Variants in PSTPIP1 observed in about 807,000 individuals in gnomAD.
PSTPIP1 encodes the protein proline-serine-threonine phosphatase-interacting protein 1.
Under a neutral mutation model 69.6 loss-of-function variants are expected in PSTPIP1, and 66 were observed. The ratio of observed to expected loss-of-function variants is 0.95; its 90% confidence interval spans 0.78 to 1.16. PSTPIP1 has a LOEUF of 1.16. Ranked by LOEUF, PSTPIP1 falls within the 50% of genes most tolerant of loss-of-function variation. The pLI is 0.00. For missense variants in PSTPIP1, 603 were observed against 557.4 expected, an observed-to-expected ratio of 1.08 and a Z score of -0.82; for synonymous variants, 266 against 222.7, an observed-to-expected ratio of 1.19 and a Z score of -1.73.
At chr15:77,009,389 C>T (rs889671860) in intron 1 of PSTPIP1, among the ~76,000 whole-genome samples, 1 of 152,176 alleles carries the variant, frequency 6.6e-6, no homozygotes, top group Admixed American at 6.5e-5. Flanking sequence ...CCTGCCAGCC[C>T]TCACACCTAC....
rs113421352 is a variant in PSTPIP1, at chr15:77,028,070, C to T, written c.417+156C>T. On this transcript the variant is annotated intron_variant, in intron 6 of 14. Transcript: ENST00000558012. ...GCCTTGGGCGCACCAGCCTGCGGGG[C>T]GCTTGGGCCCGTGCTGGGCGCTATG... Among the ~76,000 whole-genome samples, 1,496 of 152,296 alleles carry T rather than the reference C, an allele frequency of 9.8e-3. 22 individuals carry two copies. The highest frequency in any genetic ancestry group is 0.034 in the African/African-American group (1,405 of 41,562).
chr15:77,009,792 G>A (rs1276886072), intron 1 of PSTPIP1, among the ~76,000 whole-genome samples: 25 of 152,192 alleles, frequency 1.6e-4, no homozygotes, highest in Admixed American at 1.6e-3. Context: ...GCCAGAACCA[G>A]AACCCAGTGC....
intron 14 of PSTPIP1, 22 bp from the exon 15 acceptor site, chr15:77,037,023 G>T (rs376465836): frequency 3.7e-6 from 6 of 1,610,214 alleles, no homozygotes; most frequent in South Asian, 3.3e-5. Flanking sequence ...CCAACGTCAT[G>T]CGCTTTCAAT....
At chr15:76,997,462 C>G (rs539885253) in intron 1 of PSTPIP1, among the ~76,000 whole-genome samples, 2 of 152,346 alleles carry the variant, frequency 1.3e-5, no homozygotes, top group Non-Finnish European at 2.9e-5. Flanking sequence ...TTGCTGAGCA[C>G]GAAAGATGTG....
Position 77,035,918 on chromosome 15 carries a change from T to C in PSTPIP1, c.1102T>C (p.Tyr368His). Reference sequence around the variant, plus strand: ...ACCAGCCCAGGAGTACCGGGCGCTCTACGATTATACAGCGCAGGTGAGGCC... The same window carrying C: ...ACCAGCCCAGGAGTACCGGGCGCTCCACGATTATACAGCGCAGGTGAGGCC... ...ASPAQEYRAL[Y>H]DYTAQNPDEL... Residue 368 changes from tyrosine to histidine, a missense_variant, in exon 14 of 15, where the codon TAC (tyrosine) becomes CAC (histidine). Physicochemically the swap from Tyr to His is moderately conservative, Grantham distance 83. Transcript: ENST00000558012. The C allele has an allele frequency of 3.1e-6, 5 of 1,606,436 alleles. No homozygotes were observed. The highest frequency in any genetic ancestry group is 1.9e-4 in the Middle Eastern group (1 of 5,154).
chr15:77,002,325 G>T (rs2075726611), intron 1 of PSTPIP1, among the ~76,000 whole-genome samples: 2 of 152,334 alleles, frequency 1.3e-5, no homozygotes, highest in East Asian at 3.9e-4. Flanking sequence ...ATTTGTGTAG[G>T]ATGAAAGGAT....
In PSTPIP1 at chr15:77,037,060, G is replaced by A; in HGVS notation, c.1135G>A (p.Asp379Asn). ...DYTAQNPDEL[D>N]LSAGDILEVI... is the part of the protein sequence containing the mutation. ...TCTTGGCCAGAACCCAGATGAGCTGGACCTGTCCGCGGGAGACATCCTGGA... is the reference window on the plus strand; with the variant it reads ...TCTTGGCCAGAACCCAGATGAGCTGAACCTGTCCGCGGGAGACATCCTGGA... Residue 379 changes from aspartate to asparagine, a missense_variant, in exon 15 of 15, where the codon GAC becomes AAC. Transcript: ENST00000558012. 1 of 1,612,246 alleles carries A rather than the reference G, an allele frequency of 6.2e-7. No individual in the cohort carries two copies. Among genetic ancestry groups the A allele is most frequent in the Non-Finnish European group, 8.5e-7 (1 of 1,179,642 alleles).
intron 3 of PSTPIP1, among the ~76,000 whole-genome samples, chr15:77,018,843 C>T (rs985689532): frequency 3.9e-5 from 6 of 152,180 alleles, no homozygotes; most frequent in African/African-American, 9.7e-5. Context: ...AGGTGACAGG[C>T]GTCTCCACTG....
chr15:77,021,594 A>G (rs2076162999), intron 3 of PSTPIP1, among the ~76,000 whole-genome samples: 1 of 152,090 alleles, frequency 6.6e-6, no homozygotes, highest in Non-Finnish European at 1.5e-5. Context: ...CAGGAGAATC[A>G]CTTGAACCTG....
rs1054824619 is a variant in PSTPIP1 at position 77,035,866 on chromosome 15, G to C, written c.1050G>C (p.Val350=). 6.2e-7 allele frequency: 1 copy of C among 1,610,608 alleles called. No homozygotes were observed. Among genetic ancestry groups the C allele is most frequent in the South Asian group, 1.1e-5 (1 of 91,016 alleles). Residue 350 remains valine, a synonymous_variant, in exon 14 of 15, where the codon GTG becomes GTC. Coordinates refer to ENST00000558012, the MANE Select transcript of PSTPIP1 (RefSeq NM_003978.5). ...AGGGTGTCTACACAGCCATCGCAGT[G>C]CAGGAGATACAGGGAAACCCGGCCT... ...RNEGVYTAIA[V]QEIQGNPASP... is the part of the protein sequence containing the mutation.
At chr15:77,036,703 G>A (rs2076582756) in intron 14 of PSTPIP1, among the ~76,000 whole-genome samples, 1 of 152,146 alleles carries the variant, frequency 6.6e-6, no homozygotes, top group African/African-American at 2.4e-5. Context: ...GGACCGCAAA[G>A]GGGAGGCTTG....
In PSTPIP1 at chr15:77,030,504, C is replaced by G. The variant is rs542018257; in HGVS notation, c.565C>G (p.Arg189Gly). ...QCKDSATEAERVYRQSIAQLE... is the reference protein window; with the variant it reads ...QCKDSATEAEGVYRQSIAQLE... ...CCTGAGGCTGCCTGCGCTTTCAGAG[C>G]GGGTATACAGGCAGAGCATTGCGCA... The change falls in exon 9 of 15, where the codon CGG (arginine) becomes GGG (glycine). Residue 189 changes from arginine to glycine, a missense_variant and splice_region_variant. By Grantham distance (125) the Arg-to-Gly change is moderately radical. Coordinates refer to ENST00000558012, the MANE Select transcript of PSTPIP1 (RefSeq NM_003978.5). 4 of 1,612,260 alleles carry G rather than the reference C, an allele frequency of 2.5e-6. No homozygotes were observed. The Admixed American group carries it at 6.7e-5, about 27-fold the overall frequency.
At chr15:77,021,514 A>G (rs1026642797) in intron 3 of PSTPIP1, among the ~76,000 whole-genome samples, 3 of 152,122 alleles carry the variant, frequency 2.0e-5, no homozygotes, top group Non-Finnish European at 4.4e-5. Flanking sequence ...CCCCGTCTCT[A>G]TCAACAATAT....
At chr15:77,018,090 G>T in intron 1 of PSTPIP1, 58 bp from the exon 2 acceptor site, 17 of 1,510,616 alleles carry the variant, frequency 1.1e-5, no homozygotes, top group Non-Finnish European at 1.5e-5. Context: ...TCCCCACAGG[G>T]CTGTGCTCAG....
At chr15:77,010,706 G>A (rs1051909120) in intron 1 of PSTPIP1, among the ~76,000 whole-genome samples, 1 of 152,114 alleles carries the variant, frequency 6.6e-6, no homozygotes, top group African/African-American at 2.4e-5. Flanking sequence ...GGAGTGCAAT[G>A]GCTCAATCTC....
chr15:77,035,597 C>G, intron 13 of PSTPIP1, 34 bp downstream of exon 13: 1 of 1,554,240 alleles, frequency 6.4e-7, no homozygotes, highest in Non-Finnish European at 8.7e-7. Flanking sequence ...CCCAAACACA[C>G]TGATCCTGGG....
intron 12 of PSTPIP1, 42 bp from the exon 13 acceptor site, chr15:77,035,466 T>G (rs1346368415): frequency 7.1e-6 from 11 of 1,553,916 alleles, no homozygotes; most frequent in Non-Finnish European, 8.7e-6. Flanking sequence ...GGTCCCTGAG[T>G]GTGGGGCGGG....
chr15:77,022,667 GCTC>G (rs937703375), intron 3 of PSTPIP1, among the ~76,000 whole-genome samples: 8 of 152,364 alleles, frequency 5.3e-5, no homozygotes, highest in African/African-American at 1.9e-4. Flanking sequence ...GCAAAGCTGG[GCTC>G]CTCCTCTCAT....
Position 77,037,239 on chromosome 15 carries a change from G to A in PSTPIP1, c.*63G>A, listed in dbSNP as rs2076604093. ...TGGAGCCAGCAGTGCCCCCAGCACT[G>A]TCCCCACCTTGCTAGGGCCCAGAAC... On this transcript the variant is annotated 3_prime_UTR_variant, in exon 15 of 15. Coordinates refer to ENST00000558012, the MANE Select transcript of PSTPIP1 (RefSeq NM_003978.5). The A allele has an allele frequency of 6.5e-7, 1 of 1,541,276 alleles. No homozygotes were observed. The highest frequency in any genetic ancestry group is 8.7e-7 in the Non-Finnish European group (1 of 1,143,588).
Sources: allele counts gnomAD v4.1 joint callset (sites outside exome capture counted in the v4.1 genomes callset), GRCh38; gene constraint gnomAD v4.1.1; transcripts MANE v1.5; gene names NCBI Gene and HGNC (gene_info 2026-07-23, HGNC 2026-07-21).